The following ARRB1 variants were observed in gnomAD, a reference collection of about 807,000 sequenced individuals.
ARRB1 encodes the protein arrestin beta 1.
Under a neutral mutation model 56.8 loss-of-function variants are expected in ARRB1, and 21 were observed. That is an observed-to-expected ratio of 0.37 (90% CI 0.26 to 0.53). ARRB1 has a LOEUF of 0.53. Ranked by LOEUF, ARRB1 falls within the 20% of genes least tolerant of loss-of-function variation. ARRB1 has a pLI of 0.88. For missense variants in ARRB1, 424 were observed against 553.7 expected (o/e 0.77, Z 2.35); for synonymous variants, 210 against 218.6 (o/e 0.96, Z 0.35).
Position 75,278,723 on chromosome 11 carries a change from G to T in ARRB1, c.504C>A (p.Ile168=). 1 of 1,612,110 alleles carries T rather than the reference G, an allele frequency of 6.2e-7. No individual in the cohort carries two copies. The highest frequency in any genetic ancestry group is 1.1e-5 in the South Asian group (1 of 90,988). ...IHKRNSVRLV[I]RKVQYAPERP... is the part of the protein sequence containing the mutation. ...TCTCTGGGGCATACTGAACCTTCCG[G>T]ATGACCAGACGCACAGAATTCCTAA... Residue 168 remains isoleucine, a synonymous_variant, in exon 8 of 16, where the codon ATC becomes ATA. Coordinates refer to ENST00000420843, the MANE Select transcript of ARRB1 (RefSeq NM_004041.5).
At chr11:75,342,675 G>A (rs2134996633) in intron 1 of ARRB1, among the ~76,000 whole-genome samples, 1 of 152,038 alleles carries the variant, frequency 6.6e-6, no homozygotes, top group East Asian at 1.9e-4. Flanking sequence ...GAAAGGCTCA[G>A]TACATGACTG....
chr11:75,346,658 T>C (rs906942234), intron 1 of ARRB1, among the ~76,000 whole-genome samples: 16 of 152,212 alleles, frequency 1.1e-4, no homozygotes, highest in African/African-American at 3.6e-4. Flanking sequence ...GCTCATCCTC[T>C]GTGGGTCTGT....
At chr11:75,289,831 C>T (rs1007321671) in intron 2 of ARRB1, among the ~76,000 whole-genome samples, 178 bp downstream of exon 2, 3 of 152,106 alleles carry the variant, frequency 2.0e-5, no homozygotes, top group South Asian at 2.1e-4. Context: ...GTGTCCCTCC[C>T]CCTTCAACTG....
chr11:75,343,571 C>G (rs1322685638), intron 1 of ARRB1, among the ~76,000 whole-genome samples: 1 of 152,156 alleles, frequency 6.6e-6, no homozygotes, highest in Non-Finnish European at 1.5e-5. Context: ...ACCTACTACC[C>G]TATTTTACAG....
chr11:75,320,660 A>C (rs1446162132), intron 1 of ARRB1, among the ~76,000 whole-genome samples: 3 of 152,196 alleles, frequency 2.0e-5, no homozygotes, highest in African/African-American at 7.2e-5. Context: ...CCACTCAAGT[A>C]CCCAACTCTT....
rs922587714 is a variant in ARRB1 at position 75,261,540 on chromosome 11, C to T, written c.*4623G>A. 1 of 152,170 alleles carries T rather than the reference C, an allele frequency of 6.6e-6. No homozygotes were observed. The highest frequency in any genetic ancestry group is 1.5e-5 in the Non-Finnish European group (1 of 68,046). 9.4% of individuals were successfully genotyped at this position (152,170 alleles called of 1,614,324 possible). A position where few individuals can be genotyped will look rare whatever the true frequency, so the allele number is the denominator to read the frequency against. On this transcript the variant is annotated 3_prime_UTR_variant, in exon 16 of 16. Transcript: ENST00000420843. The stretch of plus-strand genomic sequence containing the variant: ...AAGCTCTGTGGAATATCAGGGGTTC[C>T]GCAGCACCTGGTTTGAAAACCACTG...
Position 75,281,157 on chromosome 11 carries a change from T to C in ARRB1, c.415-15A>G, listed in dbSNP as rs1319148352. The stretch of plus-strand genomic sequence containing the variant: ...ACACCGCAAGCCTGTGGGGAAGGGG[T>C]CACTGACCACAGGGCCTTGGAGAAG... On this transcript the variant is annotated splice_polypyrimidine_tract_variant and intron_variant, in intron 6 of 15. Coordinates refer to ENST00000420843, the MANE Select transcript of ARRB1 (RefSeq NM_004041.5). The C allele has an allele frequency of 6.3e-7, 1 of 1,588,308 alleles. No individual in the cohort carries two copies. Among genetic ancestry groups the C allele is most frequent in the Non-Finnish European group, 8.6e-7 (1 of 1,166,260 alleles).
At position 75,277,418 on chromosome 11, in the gene ARRB1, T is replaced by G. The variant is rs1946224877; in HGVS notation, c.649A>C (p.Asn217His). 1 of 1,614,096 alleles carries G rather than the reference T, an allele frequency of 6.2e-7. No individual in the cohort carries two copies. Among genetic ancestry groups the G allele is most frequent in the Non-Finnish European group, 8.5e-7 (1 of 1,180,040 alleles). ...IYYHGEPISV[N>H]VHVTNNTNKT... ...TTGGTGTTGTTGGTGACGTGGACGT[T>G]GACGCTGATGGGTTCTCCATGGTAA... Residue 217 changes from asparagine (N) to histidine (H), a missense_variant, in exon 9 of 16, where the codon AAC becomes CAC. By Grantham distance (68) the Asn-to-His change is moderately conservative. Around this residue, in one of 3 missense-constraint regions of ARRB1, gnomAD observed 301 missense variants for 387.9 expected, o/e 0.78. Transcript: ENST00000420843.
intron 1 of ARRB1, among the ~76,000 whole-genome samples, chr11:75,349,694 T>G (rs1013946764): frequency 4.6e-5 from 7 of 152,218 alleles, no homozygotes; most frequent in African/African-American, 1.7e-4. Context: ...GGTCTTAATT[T>G]CAGGGCAGAT....
At chr11:75,304,682 G>A (rs576655914) in intron 1 of ARRB1, among the ~76,000 whole-genome samples, 1 of 152,068 alleles carries the variant, frequency 6.6e-6, no homozygotes, top group South Asian at 2.1e-4. Flanking sequence ...AGTAGGTAGA[G>A]GCCAAGGATG....
chr11:75,281,468 A>G (rs1418677378), intron 6 of ARRB1: 4 of 425,716 alleles, frequency 9.4e-6, no homozygotes, highest in Admixed American at 3.8e-5. Context: ...GGGGGCGCCT[A>G]CTACTGTGTG....
At chr11:75,306,000 C>T (rs965612330) in intron 1 of ARRB1, among the ~76,000 whole-genome samples, 1 of 152,084 alleles carries the variant, frequency 6.6e-6, no homozygotes, top group Admixed American at 6.6e-5. Context: ...CCTTTACTCC[C>T]TCCTCATCCT....
At position 75,286,764 on chromosome 11, in the gene ARRB1, C is replaced by T. The variant is rs139951576; in HGVS notation, c.112+551G>A. ...AGAACTTGGAAGGTGCCTTCAGCCACAGCCCAGCTTCTAGCAGGAACCCCA... is the reference window on the plus strand; with the variant it reads ...AGAACTTGGAAGGTGCCTTCAGCCATAGCCCAGCTTCTAGCAGGAACCCCA... On this transcript the variant is annotated intron_variant, in intron 3 of 15. Transcript: ENST00000420843. Among the ~76,000 whole-genome samples the T allele has an allele frequency of 1.3e-4, 20 of 152,344 alleles. No homozygotes were observed. The East Asian group carries it at 3.9e-3, about 29-fold the overall frequency.
intron 4 of ARRB1, 72 bp downstream of exon 4, chr11:75,284,163 G>A: frequency 1.4e-6 from 2 of 1,464,748 alleles, no homozygotes; most frequent in Non-Finnish European, 1.9e-6. Flanking sequence ...TGGGCAGGGA[G>A]TTCCTATGCT....
intron 1 of ARRB1, among the ~76,000 whole-genome samples, chr11:75,349,081 C>A (rs1016753603): frequency 2.6e-5 from 4 of 152,174 alleles, no homozygotes; most frequent in Non-Finnish European, 4.4e-5. Context: ...GGTACTCATG[C>A]CTTACGGAAA....
At position 75,283,391 on chromosome 11, in the gene ARRB1, C is replaced by G. The variant is rs775169722; in HGVS notation, c.250G>C (p.Val84Leu). Residue 84 changes from valine to leucine, a missense_variant, in exon 5 of 16, where the codon GTA becomes CTA. Val to Leu is a conservative substitution (Grantham distance 32). This residue lies in a region of ARRB1 where 301 missense variants were observed against 387.9 expected (regional missense o/e 0.78). Transcript: ENST00000420843. Reference protein sequence around the residue: ...TFRKDLFVANVQSFPPAPEDK... With the variant: ...TFRKDLFVANLQSFPPAPEDK... ...TCGGGGGCCGGTGGGAACGACTGTA[C>G]GTTGGCCACAAACAGGTCCTTGCGA... 12 of 1,614,028 alleles carry G rather than the reference C, an allele frequency of 7.4e-6. No homozygotes were observed. The highest frequency in any genetic ancestry group is 8.5e-7 in the Non-Finnish European group (1 of 1,179,996).
chr11:75,276,691 G>A (rs1946206931), intron 10 of ARRB1, 148 bp downstream of exon 10: 1 of 654,674 alleles, frequency 1.5e-6, no homozygotes. Flanking sequence ...AGGCTCTTCG[G>A]GATCATCTAC....
intron 10 of ARRB1, 52 bp from the exon 11 acceptor site, chr11:75,274,263 A>G: frequency 2.5e-6 from 4 of 1,600,992 alleles, no homozygotes; most frequent in Non-Finnish European, 3.4e-6. Flanking sequence ...AGCCAACCCC[A>G]GCCCTGATCT....
intron 1 of ARRB1, among the ~76,000 whole-genome samples, chr11:75,314,009 A>T (rs1947219140): frequency 6.6e-6 from 1 of 152,072 alleles, no homozygotes; most frequent in Non-Finnish European, 1.5e-5. Flanking sequence ...AGCTCTTCAC[A>T]ATCTGGCCTC....
Sources: gnomAD v4.1 joint callset for allele counts (sites outside exome capture counted in the v4.1 genomes callset) on GRCh38, gnomAD v4.1.1 for gene constraint, gnomAD v4.1.1 regional missense constraint, MANE v1.5 for transcripts, NCBI Gene and HGNC (gene_info 2026-07-23, HGNC 2026-07-21) for gene names.